IFFO1: variants seen among roughly 807,000 people sequenced by gnomAD.
The protein encoded by IFFO1 is non-homologous end joining factor IFFO1.
A neutral mutation model predicts 59.6 loss-of-function variants in IFFO1; 42 were observed. The ratio of observed to expected loss-of-function variants is 0.70; its 90% CI spans 0.55 to 0.91. The LOEUF (loss-of-function observed/expected upper bound fraction) is 0.91. Ranked by LOEUF, IFFO1 falls within the 40% of genes least tolerant of loss-of-function variation. The pLI is 0.00. For missense variants in IFFO1, 711 were observed against 793.2 expected, an observed-to-expected ratio of 0.90 and a Z score of 1.24; for synonymous variants, 336 against 342.8, an observed-to-expected ratio of 0.98 and a Z score of 0.22.
rs1300301708 is a variant in IFFO1 at position 6,549,446 on chromosome 12, A to T, written c.1080+30T>A. The T allele has an allele frequency of 4.3e-6, 7 of 1,613,810 alleles. No homozygotes were observed. Among genetic ancestry groups the T allele is most frequent in the Non-Finnish European group, 5.1e-6 (6 of 1,179,722 alleles). ...GCAGCTTAGAAACTGGGACTGGGAC[A>T]TTAATAAGCTTGCGTGAGATCAAAC... is the stretch of plus-strand genomic sequence containing the variant. On this transcript the variant is annotated intron_variant, in intron 5 of 9. Transcript: ENST00000619571. This position sits in a 1 kb window ranked among gnomAD's most constrained non-coding sequence, Gnocchi z 5.0.
intron 8 of IFFO1, among the ~76,000 whole-genome samples, chr12:6,545,537 A>G (rs901003155): frequency 2.6e-5 from 4 of 151,842 alleles, no homozygotes; most frequent in African/African-American, 9.7e-5. Flanking sequence ...CTACTAAAAA[A>G]TACAAAAGAA....
chr12:6,555,580 G>A lies in IFFO1; in HGVS notation c.450C>T (p.Ser150=). Residue 150 remains serine (S), a synonymous_variant, in exon 1 of 10, where the codon AGC becomes AGT. Transcript: ENST00000619571. This position sits in a 1 kb window ranked among gnomAD's most constrained non-coding sequence, Gnocchi z 8.6. ...GCGAGCCCAGCACGCGCGCCGAAGG[G>A]CTGCAGACAGCGGCCGGCCGGGCGC... ...QLGARPAAVC[S]PSARVLGSPA... 2 of 1,421,874 alleles carry A rather than the reference G, an allele frequency of 1.4e-6. No individual in the cohort carries two copies. Among genetic ancestry groups the A allele is most frequent in the African/African-American group, 1.5e-5 (1 of 65,634 alleles). The allele number at this position is 1,421,874 out of a possible 1,614,324, so 88.1% of individuals were successfully genotyped here.
rs146557864 is a variant in IFFO1 at position 6,545,995 on chromosome 12, C to T, written c.1479+2070G>A. Among the ~76,000 whole-genome samples the T allele has an allele frequency of 7.9e-5, 12 of 152,294 alleles. 1 individual carries two copies. In the East Asian group the frequency reaches 1.5e-3, roughly 20 times the overall value. The stretch of plus-strand genomic sequence containing the variant: ...TTTCAACTTAATAAGAAAAAGAATC[C>T]GATGCTGAGGTTGGTAAGCTCTACA... On this transcript the variant is annotated intron_variant, in intron 8 of 9. Transcript: ENST00000619571.
Position 6,548,191 on chromosome 12 carries a change from G to A in IFFO1, c.1384-31C>T. 6.4e-7 allele frequency: 1 copy of A among 1,568,200 alleles called. No homozygotes were observed. The highest frequency in any genetic ancestry group is 2.2e-5 in the East Asian group (1 of 44,594). On this transcript the variant is annotated intron_variant, in intron 7 of 9. Coordinates refer to ENST00000619571, the MANE Select transcript of IFFO1 (RefSeq NM_001193457.2). This position sits in a 1 kb window ranked among gnomAD's most constrained non-coding sequence, Gnocchi z 6.1. ...GTAGAAAGGGAAGCGGGGGAGGCCA[G>A]CCAAGGAGGGATGGGATGGGACGCA...
In IFFO1 at chr12:6,555,907, C is replaced by T. The variant is rs1459643412; in HGVS notation, c.123G>A (p.Ala41=). 1 of 1,554,266 alleles carries T rather than the reference C, an allele frequency of 6.4e-7. No individual in the cohort carries two copies. The highest frequency in any genetic ancestry group is 8.7e-7 in the Non-Finnish European group (1 of 1,154,304). The change falls in exon 1 of 10, where the codon GCG becomes GCA. Residue 41 remains alanine, a synonymous_variant. Transcript: ENST00000619571. The surrounding 1 kb of genome is among the most constrained non-coding windows in gnomAD (Gnocchi z 8.6). ...CAGCAGGGCCGGCCGGCGAGAGAGG[C>T]GCCGGGGGCAAGTCTCCTCCCCCGG... The part of the protein sequence containing the change: ...HFAGGGDLPP[A]PLSPAGPAAY...
chr12:6,541,889 GTTCTT>G lies in IFFO1; in HGVS notation c.1480-252_1480-248del, dbSNP rs375209090. On this transcript the variant is annotated intron_variant, in intron 8 of 9. Coordinates refer to ENST00000619571, the MANE Select transcript of IFFO1 (RefSeq NM_001193457.2). The surrounding 1 kb of genome is among the most constrained non-coding windows in gnomAD (Gnocchi z 4.8). ...ATGCAAAGGTACTGCTGCAGGCTGT[GTTCTT>G]TTAAGACTGATAAGAGTGGTGAGGA... Among the ~76,000 whole-genome samples, 13 of 152,346 alleles carry G rather than the reference GTTCTT, an allele frequency of 8.5e-5. No individual in the cohort carries two copies. The highest frequency in any genetic ancestry group is 2.9e-4 in the African/African-American group (12 of 41,582).
At chr12:6,542,624 G>C (rs1946769541) in intron 8 of IFFO1, among the ~76,000 whole-genome samples, 1 of 152,246 alleles carries the variant, frequency 6.6e-6, no homozygotes, top group Non-Finnish European at 1.5e-5. Flanking sequence ...GAGATGGTCA[G>C]GACAGTGACA....
In IFFO1 at chr12:6,550,983, C is replaced by T. The variant is rs767906387; in HGVS notation, c.792G>A (p.Thr264=). 2.8e-5 allele frequency: 45 copies of T among 1,614,056 alleles called. No homozygotes were observed. Among genetic ancestry groups the T allele is most frequent in the Non-Finnish European group, 3.6e-5 (42 of 1,180,036 alleles). ...CACGGTCTTGCAGCTGGATCCGCAC[C>T]GTGTACTCCTCTTCCCACCTGACAG... ...EYKRRWEEEY[T]VRIQLQDRVN... is the part of the protein sequence containing the mutation. The change falls in exon 2 of 10, where the codon ACG becomes ACA. Residue 264 remains threonine (T), a synonymous_variant. Coordinates refer to ENST00000619571, the MANE Select transcript of IFFO1 (RefSeq NM_001193457.2).
intron 8 of IFFO1, among the ~76,000 whole-genome samples, chr12:6,546,411 C>T (rs368114229): frequency 2.0e-5 from 3 of 152,240 alleles, no homozygotes; most frequent in African/African-American, 7.2e-5. Flanking sequence ...GCCAGGAGAG[C>T]TCACGGGGGT....
downstream of IFFO1, chr12:6,539,139 C>G (rs1008058386): frequency 6.6e-6 from 1 of 152,214 alleles, no homozygotes; most frequent in African/African-American, 2.4e-5. Flanking sequence ...TCACTTTGCA[C>G]GTGTGCTTAC....
Position 6,541,750 on chromosome 12 carries a change from C to T in IFFO1, c.1480-108G>A. 6 of 1,380,540 alleles carry T rather than the reference C, an allele frequency of 4.3e-6. No individual in the cohort carries two copies. The highest frequency in any genetic ancestry group is 6.0e-6 in the Non-Finnish European group (6 of 996,568). The allele number at this position is 1,380,540 out of a possible 1,614,324, so 85.5% of individuals were successfully genotyped here. ...CCAAGAGCAGTGGCTGGGCCGGGGGCCCAGGCAGCCATTACTGAAGGCTCA... is the reference window on the plus strand; with the variant it reads ...CCAAGAGCAGTGGCTGGGCCGGGGGTCCAGGCAGCCATTACTGAAGGCTCA... On this transcript the variant is annotated intron_variant, in intron 8 of 9. Coordinates refer to ENST00000619571, the MANE Select transcript of IFFO1 (RefSeq NM_001193457.2). This position sits in a 1 kb window ranked among gnomAD's most constrained non-coding sequence, Gnocchi z 4.8.
In IFFO1 at chr12:6,549,557, G is replaced by A. The variant is rs1947141430; in HGVS notation, c.1072-73C>T. 8.0e-7 allele frequency: 1 copy of A among 1,255,440 alleles called. No individual in the cohort carries two copies. The highest frequency in any genetic ancestry group is 1.7e-5 in the Admixed American group (1 of 58,234). 77.8% of individuals were successfully genotyped at this position (1,255,440 alleles called of 1,614,324 possible). On this transcript the variant is annotated intron_variant, in intron 4 of 9. Transcript: ENST00000619571. This position sits in a 1 kb window ranked among gnomAD's most constrained non-coding sequence, Gnocchi z 5.0. The stretch of plus-strand genomic sequence containing the variant: ...CAGACAGAGGAGAGAGAGGGGGAAG[G>A]GAGAGACGGCGTTAGAGACAGCTTC...
At chr12:6,554,448 A>G (rs1388402725) in intron 1 of IFFO1, among the ~76,000 whole-genome samples, 1 of 152,126 alleles carries the variant, frequency 6.6e-6, no homozygotes, top group Non-Finnish European at 1.5e-5. Flanking sequence ...CTGGCATCAC[A>G]TCCCTTTCCC....
At chr12:6,551,763 A>G (rs55785588) in intron 1 of IFFO1, 78,831 of 342,548 alleles carry the variant, frequency 0.23, 9,648 homozygotes, top group Admixed American at 0.28. Flanking sequence ...AGTACGGCAA[A>G]TGAGAACTAG....
At chr12:6,554,198 C>CCT (rs1429822012) in intron 1 of IFFO1, among the ~76,000 whole-genome samples, 10 of 152,238 alleles carry the variant, frequency 6.6e-5, no homozygotes, top group Non-Finnish European at 1.5e-5. Flanking sequence ...TTCGGCCAAT[C>CCT]CTCACCCAGT....
Position 6,549,991 on chromosome 12 carries a change from T to A in IFFO1, c.931-95A>T. 7.5e-7 allele frequency: 1 copy of A among 1,337,528 alleles called. No individual in the cohort carries two copies. The allele number at this position is 1,337,528 out of a possible 1,614,324, so 82.9% of individuals were successfully genotyped here. A position where few individuals can be genotyped will look rare whatever the true frequency, so the allele number is the denominator to read the frequency against. ...AAGGTCCTCATCCTTCCCACCACAT[T>A]GCACCGGTGCCTCTTCTGTGGAGTC... On this transcript the variant is annotated intron_variant, in intron 3 of 9. Transcript: ENST00000619571. The surrounding 1 kb of genome is among the most constrained non-coding windows in gnomAD (Gnocchi z 5.0).
Position 6,548,849 on chromosome 12 carries a change from AC to A in IFFO1, c.1081-1del. ...ACCTTAATGGGAGACAAGTGCAGAG[AC>A]TACAGAGACGAGGCCGGGTGCATGA... On this transcript the variant is annotated splice_acceptor_variant, in intron 5 of 9. Transcript: ENST00000619571. LOFTEE classifies it high-confidence loss of function. This position sits in a 1 kb window ranked among gnomAD's most constrained non-coding sequence, Gnocchi z 6.1. 1 of 1,606,180 alleles carries A rather than the reference AC, an allele frequency of 6.2e-7. No individual in the cohort carries two copies. Among genetic ancestry groups the A allele is most frequent in the Middle Eastern group, 1.7e-4 (1 of 6,048 alleles).
chr12:6,555,884 G>A lies in IFFO1; in HGVS notation c.146C>T (p.Ala49Val). The A allele has an allele frequency of 6.3e-7, 1 of 1,593,422 alleles. No homozygotes were observed. The highest frequency in any genetic ancestry group is 8.5e-7 in the Non-Finnish European group (1 of 1,172,738). Residue 49 changes from alanine to valine, a missense_variant, in exon 1 of 10, where the codon GCT becomes GTT. Ala to Val is a moderately conservative substitution (Grantham distance 64). Transcript: ENST00000619571. The surrounding 1 kb of genome is among the most constrained non-coding windows in gnomAD (Gnocchi z 8.6). ...GCCCGGCCCGGGCGGCGAGTAGGCA[G>A]CAGGGCCGGCCGGCGAGAGAGGCGC... The part of the protein sequence containing the change: ...PPAPLSPAGP[A>V]AYSPPGPGPA...
chr12:6,551,499 A>T, intron 1 of IFFO1: 1 of 1,289,150 alleles, frequency 7.8e-7, no homozygotes, highest in Non-Finnish European at 1.0e-6. Context: ...ACCCTGTAAA[A>T]GCATCTGCAG....
Sources: gnomAD v4.1 joint callset for allele counts (sites outside exome capture counted in the v4.1 genomes callset) on GRCh38, gnomAD v4.1.1 for gene constraint, Gnocchi (gnomAD v3.1) non-coding constraint, MANE v1.5 for transcripts, NCBI Gene and HGNC (gene_info 2026-07-23, HGNC 2026-07-21) for gene names.